Variants in XPO4 observed in about 807,000 individuals in gnomAD.
XPO4 encodes exportin-4.
XPO4 carries 39 observed loss-of-function variants against 143.0 expected under a neutral mutation model. That is an observed-to-expected ratio of 0.27 (90% CI 0.21 to 0.36). The LOEUF is 0.36. Among genes scored for constraint, XPO4 ranks in the 10% least tolerant of loss-of-function variants. The pLI, the probability that XPO4 is intolerant of heterozygous loss-of-function variation, is 1.00. For synonymous variants in XPO4, 439 were observed against 474.0 expected (o/e 0.93, Z 0.96); for missense variants, 907 against 1,348.0 (o/e 0.67, Z 5.12).
At chr13:20,887,148 T>G (rs2060468730) in intron 1 of XPO4, among the ~76,000 whole-genome samples, 1 of 152,186 alleles carries the variant, frequency 6.6e-6, no homozygotes, top group Non-Finnish European at 1.5e-5. Context: ...CTATACAGAT[T>G]TCTTCAAGAG....
chr13:20,856,893 C>T (rs1476164235), intron 3 of XPO4: 1 of 985,342 alleles, frequency 1.0e-6, no homozygotes, highest in Non-Finnish European at 1.2e-6. Flanking sequence ...ACGGCACCCT[C>T]ACATGACAGG....
In XPO4 at chr13:20,849,226, G is replaced by C. The variant is rs2060059832; in HGVS notation, c.457-5340C>G. On this transcript the variant is annotated intron_variant, in intron 4 of 22. Coordinates refer to ENST00000255305, the MANE Select transcript of XPO4 (RefSeq NM_022459.5). ...ATGAAAGGTTGCCATACATAAAGCA[G>C]ACTTCCAGCTGCTCTTCTATGCAAA... 1.2e-5 allele frequency: 12 copies of C among 985,416 alleles called. No homozygotes were observed. The South Asian group carries it at 5.6e-4, about 46-fold the overall frequency. 61.0% of individuals were successfully genotyped at this position (985,416 alleles called of 1,614,324 possible).
rs1168955290 is a variant in XPO4, at chr13:20,779,969, GA to G, written c.*3752del. On this transcript the variant is annotated 3_prime_UTR_variant, in exon 23 of 23. Coordinates refer to ENST00000255305, the MANE Select transcript of XPO4 (RefSeq NM_022459.5). ...AAAATTCTTAAATGCAGTGTTTTCA[GA>G]ACATAGTTACCAAGTCAGAGAATAA... 1.3e-5 allele frequency: 2 copies of G among 152,130 alleles called. No individual in the cohort carries two copies. Among genetic ancestry groups the G allele is most frequent in the African/African-American group, 4.8e-5 (2 of 41,412 alleles). The allele number at this position is 152,130 out of a possible 1,614,324, so 9.4% of individuals were successfully genotyped here. A position where few individuals can be genotyped will look rare whatever the true frequency, so the allele number is the denominator to read the frequency against.
intron 18 of XPO4, among the ~76,000 whole-genome samples, chr13:20,791,014 C>T (rs993372176): frequency 2.6e-5 from 4 of 151,198 alleles, no homozygotes; most frequent in South Asian, 2.1e-4. Flanking sequence ...AAAAGGAATG[C>T]GAGAAATACA....
intron 1 of XPO4, among the ~76,000 whole-genome samples, chr13:20,897,742 A>ATATTTATT (rs567866231): frequency 6.6e-6 from 1 of 152,094 alleles, no homozygotes; most frequent in Non-Finnish European, 1.5e-5. Context: ...TCAGGTTTTC[A>ATATTTATT]TATTTATTTA....
In XPO4 at chr13:20,799,346, G is replaced by A. The variant is rs200253318; in HGVS notation, c.2148-7C>T. ...TTGAATTACTAAGTTTGCCCTACAG[G>A]TAGAAATAACAAAACATAAGATGTA... On this transcript the variant is annotated splice_region_variant and splice_polypyrimidine_tract_variant and intron_variant, in intron 15 of 22. Coordinates refer to ENST00000255305, the MANE Select transcript of XPO4 (RefSeq NM_022459.5). The A allele has an allele frequency of 3.1e-6, 5 of 1,609,920 alleles. No homozygotes were observed. The highest frequency in any genetic ancestry group is 2.7e-5 in the African/African-American group (2 of 74,782).
At chr13:20,850,099 C>G (rs1196474058) in intron 4 of XPO4, 10 of 983,872 alleles carry the variant, frequency 1.0e-5, no homozygotes, top group Non-Finnish European at 1.2e-5. Context: ...GAGCAAGACT[C>G]TGTCTCAACA....
At chr13:20,870,629 C>G (rs1248840101) in intron 1 of XPO4, among the ~76,000 whole-genome samples, 1 of 151,022 alleles carries the variant, frequency 6.6e-6, no homozygotes, top group Non-Finnish European at 1.5e-5. Flanking sequence ...ACTAGGGAGG[C>G]TGAGGCAAGA....
intron 1 of XPO4, among the ~76,000 whole-genome samples, chr13:20,899,248 A>C (rs2060597303): frequency 6.6e-6 from 1 of 152,270 alleles, no homozygotes; most frequent in East Asian, 1.9e-4. Context: ...AATTGATTGA[A>C]TATAGATGTA....
chr13:20,880,546 A>T lies in XPO4; in HGVS notation c.70-11845T>A, dbSNP rs539170865. On this transcript the variant is annotated intron_variant, in intron 1 of 22. Coordinates refer to ENST00000255305, the MANE Select transcript of XPO4 (RefSeq NM_022459.5). ...TAAGCCGGTAATTCTACTTCCAGCT[A>T]TATATCCAAAAGAACTGAAAGCAAT... Among the ~76,000 whole-genome samples, 4 of 152,396 alleles carry T rather than the reference A, an allele frequency of 2.6e-5. No homozygotes were observed. In the East Asian group the frequency reaches 5.8e-4, roughly 22 times the overall value.
intron 3 of XPO4, among the ~76,000 whole-genome samples, chr13:20,860,093 G>A (rs926696794): frequency 3.9e-5 from 6 of 152,122 alleles, no homozygotes; most frequent in African/African-American, 1.4e-4. Flanking sequence ...TCCCCACCAG[G>A]CACTGTGCTC....
chr13:20,847,521 C>T (rs2060039787), intron 4 of XPO4, among the ~76,000 whole-genome samples: 1 of 152,236 alleles, frequency 6.6e-6, no homozygotes, highest in Middle Eastern at 3.4e-3. Flanking sequence ...CTTTTCTTAC[C>T]CTTAAAGAAT....
chr13:20,892,323 G>A (rs959072329), intron 1 of XPO4, among the ~76,000 whole-genome samples: 10 of 152,048 alleles, frequency 6.6e-5, no homozygotes, highest in African/African-American at 2.2e-4. Context: ...CCTGACTTCA[G>A]GTGATCCACC....
chr13:20,895,367 C>G (rs755569843), intron 1 of XPO4, among the ~76,000 whole-genome samples: 54 of 152,240 alleles, frequency 3.5e-4, no homozygotes, highest in Non-Finnish European at 6.8e-4. Context: ...CACAGTGGCT[C>G]ACAGCTGTAA....
chr13:20,801,902 T>G (rs1435777760), intron 13 of XPO4, among the ~76,000 whole-genome samples: 1 of 152,152 alleles, frequency 6.6e-6, no homozygotes, highest in Non-Finnish European at 1.5e-5. Flanking sequence ...CCACTGTCAC[T>G]GCCCTTATCT....
At position 20,796,513 on chromosome 13, in the gene XPO4, T is replaced by C. The variant is rs73167443; in HGVS notation, c.2616+251A>G. Among the ~76,000 whole-genome samples, 14,200 of 152,064 alleles carry C rather than the reference T, an allele frequency of 0.093. 827 individuals are homozygous for C. Among genetic ancestry groups the C allele is most frequent in the Non-Finnish European group, 0.13 (9,012 of 67,966 alleles). On this transcript the variant is annotated intron_variant, in intron 17 of 22. Coordinates refer to ENST00000255305, the MANE Select transcript of XPO4 (RefSeq NM_022459.5). ...AACCACCATGGCATACATATACCTA[T>C]GTAACAAATCTGAACGTTCTGTATA...
rs1409232872 is a variant in XPO4 at position 20,891,637 on chromosome 13, C to T, written c.69+11033G>A. Among the ~76,000 whole-genome samples the T allele has an allele frequency of 5.9e-5, 9 of 151,780 alleles. No individual in the cohort carries two copies. The East Asian group carries it at 1.6e-3, about 26-fold the overall frequency. ...TAGCACTTTGGGAGGCTGAGGCAGG[C>T]GGACTGCCTGAGCTCAGGAGTTCAA... On this transcript the variant is annotated intron_variant, in intron 1 of 22. Coordinates refer to ENST00000255305, the MANE Select transcript of XPO4 (RefSeq NM_022459.5).
chr13:20,884,796 AC>A (rs1361952764), intron 1 of XPO4, among the ~76,000 whole-genome samples: 1 of 152,170 alleles, frequency 6.6e-6, no homozygotes, highest in Admixed American at 6.5e-5. Flanking sequence ...GCTGCAGTGA[AC>A]TTTAATTAAG....
In XPO4 at chr13:20,802,410, A is replaced by T. The variant is rs538519839; in HGVS notation, c.1818-1420T>A. ...CCACCAGTGCTCGTTTGAGTTTTTT[A>T]AAAAAATTTTTTAGGGGGTATATGA... is the stretch of plus-strand genomic sequence containing the variant. On this transcript the variant is annotated intron_variant, in intron 13 of 22. Coordinates refer to ENST00000255305, the MANE Select transcript of XPO4 (RefSeq NM_022459.5). Among the ~76,000 whole-genome samples the T allele has an allele frequency of 8.1e-4, 123 of 152,270 alleles. 1 individual carries two copies. Among genetic ancestry groups the T allele is most frequent in the African/African-American group, 2.9e-3 (119 of 41,560 alleles).
Sources: allele counts gnomAD v4.1 joint callset (sites outside exome capture counted in the v4.1 genomes callset), GRCh38; gene constraint gnomAD v4.1.1; transcripts MANE v1.5; gene names NCBI Gene and HGNC (gene_info 2026-07-23, HGNC 2026-07-21).